Variants in NFATC1 observed in about 807,000 individuals in gnomAD.
NFATC1 encodes nuclear factor of activated T cells 1, also known as nuclear factor of activated T-cells, cytoplasmic 1.
Under a neutral mutation model 76.0 loss-of-function variants are expected in NFATC1, and 22 were observed. That is an observed-to-expected ratio of 0.29 (90% CI 0.21 to 0.41). The LOEUF (loss-of-function observed/expected upper bound fraction) is 0.41. Ranked by LOEUF, NFATC1 falls within the 10% of genes least tolerant of loss-of-function variation. The pLI, the probability that NFATC1 is intolerant of heterozygous loss-of-function variation, is 1.00. For synonymous variants in NFATC1, 704 were observed against 613.1 expected (o/e 1.15, Z -2.19); for missense variants, 1,357 against 1,337.7 (o/e 1.01, Z -0.23).
In NFATC1 at chr18:79,469,749, T is replaced by G. The variant is rs1020879470; in HGVS notation, c.2092+2167T>G. 13 of 985,396 alleles carry G rather than the reference T, an allele frequency of 1.3e-5. No individual in the cohort carries two copies. In the Admixed American group the frequency reaches 3.1e-4, roughly 23 times the overall value. The allele number at this position is 985,396 out of a possible 1,614,324, so 61.0% of individuals were successfully genotyped here. A position where few individuals can be genotyped will look rare whatever the true frequency, so the allele number is the denominator to read the frequency against. On this transcript the variant is annotated intron_variant, in intron 8 of 9. Transcript: ENST00000427363. ...CTCTCTTTGCCTCCGTCGTCTCTTC[T>G]CTCCTGGACGTAGCACCATAGTCCC...
rs183023340 is a variant in NFATC1, at chr18:79,420,674, C to T, written c.1226+9173C>T. Among the ~76,000 whole-genome samples, 14 of 145,086 alleles carry T rather than the reference C, an allele frequency of 9.6e-5. No individual in the cohort carries two copies. The East Asian group carries it at 1.7e-3, about 17-fold the overall frequency. ...GTCGCTGCAGAGAGGAAGAGGGGGT[C>T]GCATTTCCAGGCAGCATGGCTGCAG... is the stretch of plus-strand genomic sequence containing the variant. On this transcript the variant is annotated intron_variant, in intron 2 of 9. Coordinates refer to ENST00000427363, the MANE Select transcript of NFATC1 (RefSeq NM_001278669.2).
intron 4 of NFATC1, 105 bp from the exon 5 acceptor site, chr18:79,450,849 C>T (rs561424226): frequency 4.6e-5 from 65 of 1,426,392 alleles, no homozygotes; most frequent in Middle Eastern, 2.1e-4. Flanking sequence ...CTGCCTGGCA[C>T]GAGCTCGTGG....
chr18:79,438,220 CT>C (rs1029999506), intron 3 of NFATC1, among the ~76,000 whole-genome samples: 1 of 152,250 alleles, frequency 6.6e-6, no homozygotes, highest in African/African-American at 2.4e-5. Context: ...CTCCTGCTCT[CT>C]TTGCCGTGGA....
At chr18:79,482,198 GT>G (rs1192026433) in intron 8 of NFATC1, among the ~76,000 whole-genome samples, 2 of 145,188 alleles carry the variant, frequency 1.4e-5, no homozygotes, top group Admixed American at 6.8e-5. Flanking sequence ...GCATGACCTG[GT>G]TCCTGGGGTG....
intron 8 of NFATC1, among the ~76,000 whole-genome samples, chr18:79,482,664 G>GTGACCTGGTCCTGGGGTGTAATTCCAGCA (rs2089327774): frequency 8.7e-6 from 1 of 115,290 alleles, no homozygotes; most frequent in African/African-American, 3.1e-5. Context: ...TAATTCCAGC[G>GTGACCTGGTCCTGGGGTGTAATTCCAGCA]TGACCTGGTC....
chr18:79,485,290 C>T (rs975282693), intron 8 of NFATC1, among the ~76,000 whole-genome samples: 4 of 152,262 alleles, frequency 2.6e-5, no homozygotes, highest in Non-Finnish European at 4.4e-5. Context: ...AGTGGCACCA[C>T]GCGTCTGTTA....
chr18:79,397,806 A>C (rs76940125), intron 1 of NFATC1, among the ~76,000 whole-genome samples: 2,770 of 152,284 alleles, frequency 0.018, 58 homozygotes, highest in South Asian at 0.075. Context: ...ACGCAAGGAA[A>C]AAACACGACG....
intron 8 of NFATC1, chr18:79,469,686 C>T: frequency 1.0e-6 from 1 of 985,936 alleles, no homozygotes; most frequent in Middle Eastern, 5.2e-4. Context: ...GCCAGGTTCC[C>T]CAGGCTCACC....
At chr18:79,396,959 T>C (rs2085026766) in intron 1 of NFATC1, among the ~76,000 whole-genome samples, 2 of 152,262 alleles carry the variant, frequency 1.3e-5, no homozygotes, top group East Asian at 3.9e-4. Flanking sequence ...TGAAATCCTA[T>C]AGGCAGGAGT....
intron 2 of NFATC1, among the ~76,000 whole-genome samples, chr18:79,428,706 G>C (rs908831730): frequency 1.3e-5 from 2 of 152,228 alleles, no homozygotes; most frequent in African/African-American, 4.8e-5. Flanking sequence ...GCCAGGTATG[G>C]TGATACGTGC....
chr18:79,491,185 C>T (rs955547729), intron 9 of NFATC1, among the ~76,000 whole-genome samples: 2 of 152,040 alleles, frequency 1.3e-5, no homozygotes, highest in South Asian at 2.1e-4. Flanking sequence ...CTAAGAGAAT[C>T]GGGCACCTCA....
At chr18:79,481,923 T>C (rs1343063295) in intron 8 of NFATC1, among the ~76,000 whole-genome samples, 96 of 103,704 alleles carry the variant, frequency 9.3e-4, no homozygotes, top group Non-Finnish European at 4.6e-4. Context: ...GTCATTCCAG[T>C]GTGACGTGGT....
chr18:79,503,723 C>T (rs997852094), intron 9 of NFATC1, among the ~76,000 whole-genome samples: 1 of 152,224 alleles, frequency 6.6e-6, no homozygotes, highest in South Asian at 2.1e-4. Context: ...ACACTGAGTC[C>T]TCTCCAGCTA....
rs150580678 is a variant in NFATC1 at position 79,481,928 on chromosome 18, CGTG to C, written c.2093-4317_2093-4315del. On this transcript the variant is annotated intron_variant, in intron 8 of 9. Coordinates refer to ENST00000427363, the MANE Select transcript of NFATC1 (RefSeq NM_001278669.2). ...GTCCTGGGGTGTCATTCCAGTGTGA[CGTG>C]GTCCTGGGGTGTCACTCCAGCATGA... Among the ~76,000 whole-genome samples the C allele has an allele frequency of 1.6e-3, 233 of 142,046 alleles. 16 individuals carry two copies. The highest frequency in any genetic ancestry group is 5.6e-3 in the African/African-American group (199 of 35,668). 93.2% of individuals were successfully genotyped at this position (142,046 alleles called of 152,430 possible).
chr18:79,526,326 G>T (rs918538195), intron 9 of NFATC1, among the ~76,000 whole-genome samples: 1 of 152,282 alleles, frequency 6.6e-6, no homozygotes, highest in Non-Finnish European at 1.5e-5. Context: ...TCTGCAGAGA[G>T]CCTGGCTCTG....
intron 3 of NFATC1, among the ~76,000 whole-genome samples, chr18:79,438,681 G>A (rs1010206796): frequency 1.3e-5 from 2 of 152,232 alleles, no homozygotes; most frequent in African/African-American, 4.8e-5. Flanking sequence ...AGGTGAGGGC[G>A]GGTGGTCTGG....
At chr18:79,407,313 G>A (rs1221448486) in intron 1 of NFATC1, among the ~76,000 whole-genome samples, 2 of 152,242 alleles carry the variant, frequency 1.3e-5, no homozygotes. Flanking sequence ...TGCAGCTGGG[G>A]CAGATCCTGG....
At chr18:79,440,706 T>C (rs1459727027) in intron 3 of NFATC1, among the ~76,000 whole-genome samples, 1 of 152,212 alleles carries the variant, frequency 6.6e-6, no homozygotes, top group Admixed American at 6.5e-5. Flanking sequence ...GTGGCAGCCA[T>C]TTCTGAAGCC....
intron 6 of NFATC1, among the ~76,000 whole-genome samples, chr18:79,456,158 C>T (rs1009040176): frequency 9.9e-5 from 15 of 152,204 alleles, no homozygotes; most frequent in African/African-American, 2.2e-4. Context: ...AGGACACTTG[C>T]AAGGACACGG....
Sources: gnomAD v4.1 joint callset for allele counts (sites outside exome capture counted in the v4.1 genomes callset) on GRCh38, gnomAD v4.1.1 for gene constraint, MANE v1.5 for transcripts, NCBI Gene and HGNC (gene_info 2026-07-23, HGNC 2026-07-21) for gene names.